Variants in GOLIM4 observed in about 807,000 individuals in gnomAD.
GOLIM4 encodes the protein 130 kDa golgi-localized phosphoprotein.
In GOLIM4, 71 loss-of-function variants were observed where a neutral mutation model predicts 107.4. The observed-to-expected ratio is 0.66, with a 90% CI of 0.55 to 0.81. The LOEUF is 0.81. GOLIM4 is among the 30% of genes least tolerant of loss of function. GOLIM4 has a pLI of 0.00. For synonymous variants in GOLIM4, 327 were observed against 294.8 expected, an observed-to-expected ratio of 1.11 and a Z score of -1.12; for missense variants, 830 against 826.1, an observed-to-expected ratio of 1.00 and a Z score of -0.06.
At chr3:168,092,308 G>C (rs1244366904) in intron 1 of GOLIM4, among the ~76,000 whole-genome samples, 1 of 152,204 alleles carries the variant, frequency 6.6e-6, no homozygotes, top group African/African-American at 2.4e-5. Context: ...AAGAGGGATA[G>C]ATAAACAGGC....
chr3:168,019,716 G>A (rs1161501555), intron 14 of GOLIM4, among the ~76,000 whole-genome samples: 6 of 152,076 alleles, frequency 3.9e-5, no homozygotes, highest in African/African-American at 1.2e-4. Flanking sequence ...ACTCAGGTTC[G>A]ATTTTAAAAA....
chr3:168,052,540 C>A (rs1376672043), intron 1 of GOLIM4, among the ~76,000 whole-genome samples: 2 of 151,882 alleles, frequency 1.3e-5, no homozygotes, highest in Admixed American at 1.3e-4. Context: ...TTATTTAAAC[C>A]CTTAAGTTTT....
chr3:168,026,425 T>G (rs143427092), intron 12 of GOLIM4, among the ~76,000 whole-genome samples: 15 of 152,350 alleles, frequency 9.8e-5, no homozygotes, highest in African/African-American at 3.6e-4. Context: ...GCACAGTTGT[T>G]ACGTTCAAAT....
chr3:168,074,726 T>C (rs979895266), intron 1 of GOLIM4, among the ~76,000 whole-genome samples: 1 of 152,204 alleles, frequency 6.6e-6, no homozygotes, highest in Non-Finnish European at 1.5e-5. Flanking sequence ...CCAAGAGATA[T>C]AGCTGTCATA....
intron 7 of GOLIM4, among the ~76,000 whole-genome samples, chr3:168,037,659 T>C (rs1191824826): frequency 6.6e-6 from 1 of 152,164 alleles, no homozygotes; most frequent in Admixed American, 6.5e-5. Context: ...TCTTCTAAAG[T>C]GACAAAGGTA....
intron 1 of GOLIM4, among the ~76,000 whole-genome samples, chr3:168,080,533 T>C (rs1721302860): frequency 6.6e-6 from 1 of 152,180 alleles, no homozygotes; most frequent in African/African-American, 2.4e-5. Context: ...AGTCGCCAAG[T>C]CATTCCATCT....
intron 15 of GOLIM4, 102 bp downstream of exon 15, chr3:168,010,641 C>A: frequency 1.1e-6 from 1 of 927,114 alleles, no homozygotes; most frequent in South Asian, 1.5e-5. Flanking sequence ...TCAGAGGTAC[C>A]ATTACCCACT....
intron 7 of GOLIM4, 36 bp from the exon 8 acceptor site, chr3:168,037,030 A>G (rs544651907): frequency 1.3e-6 from 2 of 1,505,928 alleles, no homozygotes; most frequent in East Asian, 2.3e-5. Flanking sequence ...GAGGGAATCT[A>G]TGAATGCCCA....
At chr3:168,053,386 A>C (rs372947436) in intron 1 of GOLIM4, among the ~76,000 whole-genome samples, 1 of 152,346 alleles carries the variant, frequency 6.6e-6, no homozygotes, top group East Asian at 1.9e-4. Flanking sequence ...ACTATAACAT[A>C]ATGTTTTATT....
intron 14 of GOLIM4, among the ~76,000 whole-genome samples, chr3:168,014,362 G>C (rs1170535373): frequency 1.4e-5 from 2 of 145,200 alleles, no homozygotes; most frequent in Non-Finnish European, 3.0e-5. Flanking sequence ...TCTCTGAATA[G>C]ACCAATAACA....
intron 14 of GOLIM4, among the ~76,000 whole-genome samples, chr3:168,016,826 G>C (rs1395986888): frequency 3.5e-5 from 5 of 140,854 alleles, no homozygotes; most frequent in Non-Finnish European, 7.4e-5. Flanking sequence ...CTCACTCATA[G>C]GTGGGAATTG....
intron 14 of GOLIM4, among the ~76,000 whole-genome samples, chr3:168,016,314 G>A (rs1717362017): frequency 7.4e-6 from 1 of 134,782 alleles, no homozygotes; most frequent in South Asian, 2.1e-4. Flanking sequence ...CTGGCCATCA[G>A]AGAAATGCAA....
At chr3:168,026,099 T>C (rs1377821497) in intron 12 of GOLIM4, among the ~76,000 whole-genome samples, 1 of 152,188 alleles carries the variant, frequency 6.6e-6, no homozygotes, top group African/African-American at 2.4e-5. Context: ...TTAGGAGTCT[T>C]GAACATGTTT....
intron 7 of GOLIM4, among the ~76,000 whole-genome samples, chr3:168,037,728 T>A (rs1718742484): frequency 6.6e-6 from 1 of 152,056 alleles, no homozygotes; most frequent in Admixed American, 6.6e-5. Context: ...GTACATGGGG[T>A]GGGATGTGTG....
chr3:168,042,173 C>CCA (rs1313636125), intron 5 of GOLIM4, among the ~76,000 whole-genome samples: 1 of 152,078 alleles, frequency 6.6e-6, no homozygotes, highest in Non-Finnish European at 1.5e-5. Context: ...TTGGGCTTGA[C>CCA]CACTGTTTTT....
chr3:168,024,857 C>T, intron 13 of GOLIM4, 71 bp downstream of exon 13: 1 of 1,459,630 alleles, frequency 6.9e-7, no homozygotes, highest in African/African-American at 1.4e-5. Context: ...ATATGACTAA[C>T]CTTTTACATA....
chr3:168,020,292 G>T (rs1717609960), intron 14 of GOLIM4, among the ~76,000 whole-genome samples: 1 of 151,990 alleles, frequency 6.6e-6, no homozygotes, highest in Admixed American at 6.6e-5. Flanking sequence ...TTAGCAAATG[G>T]GCATATATAC....
chr3:168,090,657 T>TC (rs146332491), intron 1 of GOLIM4, among the ~76,000 whole-genome samples: 21,965 of 152,112 alleles, frequency 0.14, 2,148 homozygotes, highest in African/African-American at 0.28. Context: ...ACTCCAGCAA[T>TC]CCCAATACTA....
In GOLIM4 at chr3:168,029,805, G is replaced by A. The variant is rs144800331; in HGVS notation, c.1408C>T (p.Arg470Trp). ...LQRQAELEEG[R>W]PQHQEQLRQQ... ...CGGAGCTGCTCCTGGTGCTGCGGCC[G>A]GCCCTCCTCAAGCTCAGCCTGCCTC... The change falls in exon 10 of 16, where the codon CGG becomes TGG. Residue 470 changes from arginine (R) to tryptophan (W), a missense_variant. Arg to Trp is a moderately radical substitution (Grantham distance 101). Coordinates refer to ENST00000470487, the MANE Select transcript of GOLIM4 (RefSeq NM_014498.5). The A allele has an allele frequency of 1.9e-4, 301 of 1,613,732 alleles. No individual in the cohort carries two copies. Among genetic ancestry groups the A allele is most frequent in the Admixed American group, 2.3e-4 (14 of 60,002 alleles).
Sources: gnomAD v4.1 joint callset for allele counts (sites outside exome capture counted in the v4.1 genomes callset) on GRCh38, gnomAD v4.1.1 for gene constraint, MANE v1.5 for transcripts, NCBI Gene and HGNC (gene_info 2026-07-23, HGNC 2026-07-21) for gene names.